Variants in BICRA observed in about 807,000 individuals in gnomAD.
The protein encoded by BICRA is BRD4 interacting chromatin remodeling complex associated protein.
In BICRA, 31 loss-of-function variants were observed where a neutral mutation model predicts 96.9. The observed-to-expected ratio is 0.32, with a 90% CI of 0.24 to 0.43. The LOEUF is 0.43. Ranked by LOEUF, BICRA falls within the 20% of genes least tolerant of loss-of-function variation. BICRA has a pLI of 1.00. For synonymous variants in BICRA, 1,350 were observed against 1,071.8 expected, an observed-to-expected ratio of 1.26 and a Z score of -5.07; for missense variants, 2,283 against 2,190.3, an observed-to-expected ratio of 1.04 and a Z score of -0.84.
Position 47,679,504 on chromosome 19 carries a change from A to G in BICRA, c.334A>G (p.Asn112Asp), listed in dbSNP as rs922454643. ...DILQQSLQEA[N>D]ITEQTLEAEA... ...CCTCCAGCAGAGCCTCCAAGAGGCCAACATCACGGAGCAGACGCTGGAGGC... is the reference window on the plus strand; with the variant it reads ...CCTCCAGCAGAGCCTCCAAGAGGCCGACATCACGGAGCAGACGCTGGAGGC... Residue 112 changes from asparagine (N) to aspartate (D), a missense_variant, in exon 6 of 15, where the codon AAC becomes GAC. Asn to Asp is a conservative substitution (Grantham distance 23). Transcript: ENST00000594866. The G allele has an allele frequency of 1.3e-6, 2 of 1,546,746 alleles. No individual in the cohort carries two copies. Among genetic ancestry groups the G allele is most frequent in the Non-Finnish European group, 1.7e-6 (2 of 1,145,654 alleles).
chr19:47,698,895 C>A lies in BICRA; in HGVS notation c.3398-70C>A. The A allele has an allele frequency of 7.3e-7, 1 of 1,374,052 alleles. No individual in the cohort carries two copies. The highest frequency in any genetic ancestry group is 1.0e-6 in the Non-Finnish European group (1 of 985,060). The allele number at this position is 1,374,052 out of a possible 1,614,324, so 85.1% of individuals were successfully genotyped here. A position where few individuals can be genotyped will look rare whatever the true frequency, so the allele number is the denominator to read the frequency against. The stretch of plus-strand genomic sequence containing the variant: ...ACGGTGCGCTATGCTGACCCTGCCC[C>A]GCCCTCCTTCCTGCGCATCCGCGGC... On this transcript the variant is annotated intron_variant, in intron 12 of 14. Transcript: ENST00000594866. This position sits in a 1 kb window ranked among gnomAD's most constrained non-coding sequence, Gnocchi z 4.8.
intron 10 of BICRA, 137 bp downstream of exon 10, chr19:47,695,611 C>G (rs562617678): frequency 1.6e-6 from 1 of 613,654 alleles, no homozygotes; most frequent in African/African-American, 1.8e-5. Context: ...TGAGACACCA[C>G]GAACAGCCGT....
intron 1 of BICRA, among the ~76,000 whole-genome samples, chr19:47,667,043 G>A (rs1972789713): frequency 6.7e-6 from 1 of 150,058 alleles, no homozygotes; most frequent in African/African-American, 2.5e-5. Flanking sequence ...TTTTGAGACG[G>A]AGTCTTGCTC....
At chr19:47,652,358 T>A (rs1002508142) in intron 1 of BICRA, among the ~76,000 whole-genome samples, 54 of 152,266 alleles carry the variant, frequency 3.5e-4, no homozygotes, top group Non-Finnish European at 5.1e-4. Flanking sequence ...GCTATTTTTT[T>A]AAAAAATTTT....
chr19:47,660,537 T>C (rs1972688731), intron 1 of BICRA, among the ~76,000 whole-genome samples: 1 of 152,236 alleles, frequency 6.6e-6, no homozygotes, highest in East Asian at 1.9e-4. Flanking sequence ...GCTTAACTTC[T>C]AGGCGTCATA....
intron 2 of BICRA, among the ~76,000 whole-genome samples, chr19:47,670,861 T>A (rs1051772999): frequency 1.3e-5 from 2 of 152,104 alleles, no homozygotes; most frequent in African/African-American, 2.4e-5. Context: ...GTCATGGACC[T>A]GGTGACACAG....
At position 47,701,623 on chromosome 19, in the gene BICRA, C is replaced by T; in HGVS notation, c.3891C>T (p.Ile1297=). ...GPMPSRNRPP[I]KTYEARSRIG... ...TGCCCTCCCGCAACCGCCCGCCCAT[C>T]AAGACCTACGAGGCCCGGAGCCGCA... Residue 1297 remains isoleucine, a synonymous_variant, in exon 15 of 15, where the codon ATC becomes ATT. Transcript: ENST00000594866. This position sits in a 1 kb window ranked among gnomAD's most constrained non-coding sequence, Gnocchi z 5.4. The T allele has an allele frequency of 6.3e-7, 1 of 1,575,798 alleles. No individual in the cohort carries two copies. Among genetic ancestry groups the T allele is most frequent in the Non-Finnish European group, 8.6e-7 (1 of 1,162,160 alleles).
chr19:47,616,834 A>AT (rs1017061730), intron 1 of BICRA, among the ~76,000 whole-genome samples: 252 of 146,556 alleles, frequency 1.7e-3, no homozygotes, highest in African/African-American at 4.1e-3. Flanking sequence ...ATTTTTATTA[A>AT]TTTTTTTTTT....
chr19:47,663,927 A>G (rs1276776118), intron 1 of BICRA: 1 of 152,036 alleles, frequency 6.6e-6, no homozygotes, highest in African/African-American at 2.4e-5. Flanking sequence ...GTTCCTGGTC[A>G]CAACCTGCTA....
At position 47,681,095 on chromosome 19, in the gene BICRA, C is replaced by T. The variant is rs1452357061; in HGVS notation, c.1925C>T (p.Pro642Leu). 41 of 1,452,634 alleles carry T rather than the reference C, an allele frequency of 2.8e-5. No homozygotes were observed. Among genetic ancestry groups the T allele is most frequent in the Non-Finnish European group, 3.5e-5 (39 of 1,099,712 alleles). 90.0% of individuals were successfully genotyped at this position (1,452,634 alleles called of 1,614,324 possible). A position where few individuals can be genotyped will look rare whatever the true frequency, so the allele number is the denominator to read the frequency against. ...CCCCTGCCCCTGGGCCTCCAGCAGC[C>T]GCAGGCGCAGCAGCCCCCGCAGGCC... Reference protein sequence around the residue: ...STPLPLGLQQPQAQQPPQAPT... With the variant: ...STPLPLGLQQLQAQQPPQAPT... Residue 642 changes from proline to leucine, a missense_variant, in exon 6 of 15, where the codon CCG (proline) becomes CTG (leucine). Pro to Leu is a moderately conservative substitution (Grantham distance 98). Coordinates refer to ENST00000594866, the MANE Select transcript of BICRA (RefSeq NM_001394372.1).
At chr19:47,660,598 G>A (rs1972689945) in intron 1 of BICRA, among the ~76,000 whole-genome samples, 1 of 152,166 alleles carries the variant, frequency 6.6e-6, no homozygotes, top group Admixed American at 6.6e-5. Context: ...TTGTCTGTCT[G>A]ACCAAGGTTC....
intron 7 of BICRA, among the ~76,000 whole-genome samples, chr19:47,687,449 C>T (rs1276215819): frequency 6.6e-6 from 1 of 152,074 alleles, no homozygotes; most frequent in Non-Finnish European, 1.5e-5. Context: ...TCAGTCCCCT[C>T]TTGAGGAATA....
intron 1 of BICRA, among the ~76,000 whole-genome samples, chr19:47,633,400 C>T (rs1373972890): frequency 6.6e-6 from 1 of 152,046 alleles, no homozygotes; most frequent in Non-Finnish European, 1.5e-5. Flanking sequence ...AAGATGGGAT[C>T]TCCCTATGTT....
intron 4 of BICRA, 100 bp downstream of exon 4, chr19:47,673,862 T>C: frequency 9.5e-7 from 1 of 1,057,832 alleles, no homozygotes; most frequent in Non-Finnish European, 1.5e-6. Flanking sequence ...GGTAGCCATC[T>C]GCCTTGTGGC....
At chr19:47,656,267 C>T (rs1599823274) in intron 1 of BICRA, among the ~76,000 whole-genome samples, 1 of 146,592 alleles carries the variant, frequency 6.8e-6, no homozygotes, top group Non-Finnish European at 1.5e-5. Flanking sequence ...AAAAAAACAA[C>T]GAGAAGGCTG....
chr19:47,665,883 G>A (rs1972771017), intron 1 of BICRA, among the ~76,000 whole-genome samples: 1 of 152,228 alleles, frequency 6.6e-6, no homozygotes, highest in African/African-American at 2.4e-5. Flanking sequence ...AACCCTTCCA[G>A]ATACACACAC....
Position 47,702,672 on chromosome 19 carries a change from C to G in BICRA, c.*257C>G. On this transcript the variant is annotated 3_prime_UTR_variant, in exon 15 of 15. Transcript: ENST00000594866. ...GGAGGGGCAAAGTGCTGTGTCAGTTCCTGTTTCTTCCCATTTCCTGGCACA... is the reference window on the plus strand; with the variant it reads ...GGAGGGGCAAAGTGCTGTGTCAGTTGCTGTTTCTTCCCATTTCCTGGCACA... 1 of 503,488 alleles carries G rather than the reference C, an allele frequency of 2.0e-6. No individual in the cohort carries two copies. The highest frequency in any genetic ancestry group is 3.4e-6 in the Non-Finnish European group (1 of 290,508). The allele number at this position is 503,488 out of a possible 1,614,324, so 31.2% of individuals were successfully genotyped here. A position where few individuals can be genotyped will look rare whatever the true frequency, so the allele number is the denominator to read the frequency against.
At chr19:47,637,869 T>G (rs1972323727) in intron 1 of BICRA, among the ~76,000 whole-genome samples, 1 of 152,226 alleles carries the variant, frequency 6.6e-6, no homozygotes, top group African/African-American at 2.4e-5. Flanking sequence ...CGGCGATGCC[T>G]CATTCCTTTT....
At chr19:47,685,550 C>T (rs1445903872) in intron 7 of BICRA, among the ~76,000 whole-genome samples, 1 of 152,110 alleles carries the variant, frequency 6.6e-6, no homozygotes, top group Non-Finnish European at 1.5e-5. Context: ...CAAGTGTCCC[C>T]TGGTGGGGAC....
Sources: gnomAD v4.1 joint callset for allele counts (sites outside exome capture counted in the v4.1 genomes callset) on GRCh38, gnomAD v4.1.1 for gene constraint, Gnocchi (gnomAD v3.1) non-coding constraint, MANE v1.5 for transcripts, NCBI Gene and HGNC (gene_info 2026-07-23, HGNC 2026-07-21) for gene names.